Variants in ADGRL3 observed in about 807,000 individuals in gnomAD.
The protein encoded by ADGRL3 is adhesion G protein-coupled receptor L3, also known as calcium-independent alpha-latrotoxin receptor 3.
A neutral mutation model predicts 153.5 loss-of-function variants in ADGRL3; 62 were observed. The ratio of observed to expected loss-of-function variants is 0.40; its 90% CI spans 0.33 to 0.50. The LOEUF is 0.50. Among genes scored for constraint, ADGRL3 ranks in the 20% least tolerant of loss-of-function variants. ADGRL3 has a pLI of 0.47. For missense variants in ADGRL3, 1,641 were observed against 1,859.4 expected, an observed-to-expected ratio of 0.88 and a Z score of 2.16; for synonymous variants, 710 against 672.5, an observed-to-expected ratio of 1.06 and a Z score of -0.86.
intron 5 of ADGRL3, among the ~76,000 whole-genome samples, chr4:61,654,216 G>T (rs1397508656): frequency 2.0e-5 from 3 of 151,976 alleles, no homozygotes; most frequent in South Asian, 2.1e-4. Flanking sequence ...AAATATTTTG[G>T]TTTTTGTAAT....
At chr4:62,012,827 G>A (rs1451931507) in intron 21 of ADGRL3, among the ~76,000 whole-genome samples, 2 of 152,124 alleles carry the variant, frequency 1.3e-5, no homozygotes, top group South Asian at 4.1e-4. Context: ...GTATCTTAGT[G>A]TACAGTAATC....
chr4:61,984,538 G>T (rs2099079065), intron 19 of ADGRL3, among the ~76,000 whole-genome samples: 1 of 152,130 alleles, frequency 6.6e-6, no homozygotes, highest in African/African-American at 2.4e-5. Flanking sequence ...CCTTACTCCA[G>T]CCTGGATGAC....
chr4:61,752,472 A>C (rs533705040), intron 8 of ADGRL3, among the ~76,000 whole-genome samples: 2 of 151,110 alleles, frequency 1.3e-5, no homozygotes, highest in South Asian at 2.1e-4. Flanking sequence ...AATGTTGGCA[A>C]GTTCTGTTCA....
intron 4 of ADGRL3, among the ~76,000 whole-genome samples, chr4:61,522,223 G>T (rs1228362921): frequency 6.6e-6 from 1 of 152,022 alleles, no homozygotes; most frequent in Non-Finnish European, 1.5e-5. Context: ...AGACCACTCT[G>T]CCCATATTTG....
chr4:62,002,064 C>A (rs2099142351), intron 21 of ADGRL3, among the ~76,000 whole-genome samples: 1 of 151,958 alleles, frequency 6.6e-6, no homozygotes, highest in South Asian at 2.1e-4. Context: ...CCACTATCAT[C>A]TTCAGAATCA....
chr4:61,246,738 T>C (rs1056672893), intron 1 of ADGRL3, among the ~76,000 whole-genome samples: 3 of 151,698 alleles, frequency 2.0e-5, no homozygotes, highest in African/African-American at 7.2e-5. Flanking sequence ...GGTGTGTATA[T>C]ATATTTATAT....
intron 3 of ADGRL3, among the ~76,000 whole-genome samples, chr4:61,508,260 C>T (rs886066479): frequency 2.0e-5 from 3 of 152,052 alleles, no homozygotes; most frequent in Non-Finnish European, 2.9e-5. Flanking sequence ...CTATTTTTCC[C>T]TTTATTGATA....
intron 1 of ADGRL3, among the ~76,000 whole-genome samples, chr4:61,343,719 C>A (rs558234848): frequency 2.2e-4 from 34 of 152,278 alleles, no homozygotes; most frequent in African/African-American, 8.2e-4. Flanking sequence ...ATCCACAGTG[C>A]ATAATATCTT....
intron 8 of ADGRL3, among the ~76,000 whole-genome samples, chr4:61,787,205 A>G (rs751489343): frequency 2.6e-5 from 4 of 152,130 alleles, no homozygotes; most frequent in Non-Finnish European, 5.9e-5. Context: ...TCTCTAATTG[A>G]TATGTCACAT....
At chr4:61,347,952 T>C (rs1426429601) in intron 1 of ADGRL3, among the ~76,000 whole-genome samples, 1 of 152,120 alleles carries the variant, frequency 6.6e-6, no homozygotes, top group African/African-American at 2.4e-5. Context: ...CAGACTCTCT[T>C]AGTGAATGAT....
At chr4:61,520,038 GT>G (rs371439497) in intron 4 of ADGRL3, among the ~76,000 whole-genome samples, 2,324 of 152,158 alleles carry the variant, frequency 0.015, 52 homozygotes, top group African/African-American at 0.052. Context: ...ATTAAGCTTT[GT>G]TTTTTCCCCC....
intron 18 of ADGRL3, among the ~76,000 whole-genome samples, chr4:61,979,991 G>A (rs1021752340): frequency 1.3e-5 from 2 of 152,082 alleles, no homozygotes; most frequent in African/African-American, 2.4e-5. Context: ...TTTTTAAATA[G>A]ACTTTTGTTT....
intron 8 of ADGRL3, among the ~76,000 whole-genome samples, chr4:61,786,551 G>T (rs527316764): frequency 6.6e-6 from 1 of 152,136 alleles, no homozygotes; most frequent in African/African-American, 2.4e-5. Flanking sequence ...ATTTGGCAAG[G>T]CACCCTTAGC....
intron 21 of ADGRL3, among the ~76,000 whole-genome samples, chr4:62,011,645 A>G (rs1003645305): frequency 2.6e-5 from 4 of 152,116 alleles, no homozygotes; most frequent in African/African-American, 4.8e-5. Flanking sequence ...TTAGCGTAGT[A>G]TGTCTGGATC....
At chr4:61,701,401 T>C (rs2095755741) in intron 6 of ADGRL3, among the ~76,000 whole-genome samples, 1 of 150,350 alleles carries the variant, frequency 6.7e-6, no homozygotes, top group Admixed American at 6.7e-5. Context: ...GACAACATAA[T>C]AAGATATCAG....
At position 61,377,743 on chromosome 4, in the gene ADGRL3, A is replaced by G. The variant is rs574967290; in HGVS notation, c.-239-5381A>G. On this transcript the variant is annotated intron_variant, in intron 1 of 26. Transcript: ENST00000683033. The stretch of plus-strand genomic sequence containing the variant: ...CTCTTTTTTTGCTCACTTTGCATTT[A>G]GCTCACTCTTCTTTTTCTCTTTGTT... 8.9e-4 allele frequency among the ~76,000 whole-genome samples: 135 copies of G among 151,598 alleles called. 1 individual carries two copies. The highest frequency in any genetic ancestry group is 1.9e-3 in the South Asian group (9 of 4,790).
At chr4:62,052,105 T>C (rs543672674) in intron 25 of ADGRL3, among the ~76,000 whole-genome samples, 2 of 151,604 alleles carry the variant, frequency 1.3e-5, no homozygotes, top group African/African-American at 4.8e-5. Context: ...GACACTGAGT[T>C]TCTTGGTAGT....
chr4:61,478,103 A>T (rs2098087035), intron 2 of ADGRL3, among the ~76,000 whole-genome samples: 1 of 152,104 alleles, frequency 6.6e-6, no homozygotes, highest in African/African-American at 2.4e-5. Context: ...ACATAAAATA[A>T]TAATGACTTT....
chr4:61,641,179 G>A (rs1369023622), intron 5 of ADGRL3, among the ~76,000 whole-genome samples: 5 of 151,660 alleles, frequency 3.3e-5, no homozygotes, highest in African/African-American at 1.2e-4. Flanking sequence ...ACCTCACACG[G>A]CTATTTTGAT....
Sources: gnomAD v4.1 joint callset for allele counts (sites outside exome capture counted in the v4.1 genomes callset) on GRCh38, gnomAD v4.1.1 for gene constraint, MANE v1.5 for transcripts, NCBI Gene and HGNC (gene_info 2026-07-23, HGNC 2026-07-21) for gene names.